The following ZNF469 variants were observed in gnomAD, a reference collection of about 807,000 sequenced individuals.
ZNF469 encodes zinc finger protein 469.
ZNF469 carries 1 observed loss-of-function variant against 1.0 expected under a neutral mutation model. The observed-to-expected ratio is 1.00, with a 90% CI of 0.35 to 4.73. ZNF469 has a LOEUF of 4.73. Among genes scored for constraint, ZNF469 ranks in the 30% most tolerant of loss-of-function variants. The pLI is 0.16. For synonymous variants in ZNF469, 2,703 were observed against 2,363.4 expected (o/e 1.14, Z -4.17); for missense variants, 6,100 against 5,356.3 (o/e 1.14, Z -4.33).
upstream of ZNF469, among the ~76,000 whole-genome samples, chr16:88,378,163 G>A (rs1337801755): frequency 6.6e-6 from 1 of 152,100 alleles, no homozygotes; most frequent in East Asian, 1.9e-4. Context: ...TGACAGGTGG[G>A]CGCCATGATG....
chr16:88,130,226 C>A, the ZNF469 span, among the ~76,000 whole-genome samples: 1 of 152,156 alleles, frequency 6.6e-6, no homozygotes, highest in Non-Finnish European at 1.5e-5. Flanking sequence ...TCCAGCCCTC[C>A]CTCAAAAGCC....
chr16:88,140,133 A>G, the ZNF469 span, among the ~76,000 whole-genome samples: 1 of 152,368 alleles, frequency 6.6e-6, no homozygotes, highest in East Asian at 1.9e-4. Flanking sequence ...GGGAGTCATA[A>G]TGAAAGTCCA....
At chr16:88,114,271 AAT>A in the ZNF469 span, among the ~76,000 whole-genome samples, 1 of 125,242 alleles carries the variant, frequency 8.0e-6, no homozygotes, top group Non-Finnish European at 1.6e-5. Flanking sequence ...CTCCGGGGAG[AAT>A]GACAGGGACC....
chr16:88,331,758 T>TCATCAC, the ZNF469 span, among the ~76,000 whole-genome samples: 1 of 149,566 alleles, frequency 6.7e-6, no homozygotes, highest in Non-Finnish European at 1.5e-5. Flanking sequence ...ACCATCATCA[T>TCATCAC]CATCACTATT....
the ZNF469 span, among the ~76,000 whole-genome samples, chr16:88,244,856 G>T: frequency 1.4e-5 from 2 of 147,156 alleles, no homozygotes; most frequent in East Asian, 2.0e-4. Context: ...ATTTAGGAAA[G>T]CAGAAAAACT....
the ZNF469 span, among the ~76,000 whole-genome samples, chr16:88,135,748 G>GTTTTATTCTTT: frequency 1.3e-3 from 88 of 66,930 alleles, 34 homozygotes; most frequent in Admixed American, 2.0e-3. Context: ...AGCTGGCCAT[G>GTTTTATTCTTT]TTTTTTTTTT....
chr16:88,147,050 C>G, the ZNF469 span, among the ~76,000 whole-genome samples: 9 of 152,250 alleles, frequency 5.9e-5, no homozygotes, highest in South Asian at 1.7e-3. Flanking sequence ...TGTGCCCTCA[C>G]GTGGCAAAAG....
At chr16:88,375,389 C>T in the ZNF469 span, among the ~76,000 whole-genome samples, 1 of 152,240 alleles carries the variant, frequency 6.6e-6, no homozygotes, top group South Asian at 2.1e-4. Context: ...ACGTCTGCTA[C>T]GCTGCCTCTC....
rs1193816872 is a variant in ZNF469 at position 88,427,629 on chromosome 16, C to A, written c.159C>A (p.Gly53=). ...CCAAGGGTGCCAGGGAGGCTGGCGG[C>A]CAGGCCCAGGCCATGGAGCTCCCCG... ...RTTKGAREAG[G]QAQAMELPEA... Residue 53 remains glycine (G), a synonymous_variant, in exon 3 of 3, where the codon GGC becomes GGA. Coordinates refer to ENST00000565624, the MANE Select transcript of ZNF469 (RefSeq NM_001367624.2). The A allele has an allele frequency of 1.3e-6, 2 of 1,537,016 alleles. No homozygotes were observed.
chr16:88,423,236 T>C (rs1464813750), intron 1 of ZNF469, among the ~76,000 whole-genome samples: 1 of 148,156 alleles, frequency 6.7e-6, no homozygotes, highest in Admixed American at 6.7e-5. Flanking sequence ...GGTGGGTGGA[T>C]GGATGGATGG....
At chr16:88,257,118 T>A in the ZNF469 span, among the ~76,000 whole-genome samples, 1 of 58,434 alleles carries the variant, frequency 1.7e-5, no homozygotes, top group Non-Finnish European at 4.0e-5. Context: ...CCCACTAATT[T>A]TTTTTTTTTT....
chr16:88,258,071 G>C, the ZNF469 span, among the ~76,000 whole-genome samples: 1 of 152,222 alleles, frequency 6.6e-6, no homozygotes, highest in Non-Finnish European at 1.5e-5. Flanking sequence ...GCCCCAACCA[G>C]AGGTGATTGC....
At chr16:88,417,373 C>G (rs1333250850) in intron 1 of ZNF469, among the ~76,000 whole-genome samples, 1 of 152,188 alleles carries the variant, frequency 6.6e-6, no homozygotes, top group East Asian at 1.9e-4. Context: ...AAGGCACCCC[C>G]GTCTTTGGAT....
the ZNF469 span, among the ~76,000 whole-genome samples, chr16:88,156,615 T>C: frequency 6.6e-6 from 1 of 152,244 alleles, no homozygotes; most frequent in Non-Finnish European, 1.5e-5. Context: ...CATATTGCTA[T>C]TACAAGGGTT....
At chr16:88,242,607 T>C in the ZNF469 span, among the ~76,000 whole-genome samples, 3 of 152,334 alleles carry the variant, frequency 2.0e-5, no homozygotes, top group Non-Finnish European at 4.4e-5. Context: ...CATGTGCACT[T>C]TGGGAGGACC....
At chr16:88,285,973 G>A in the ZNF469 span, among the ~76,000 whole-genome samples, 1 of 152,216 alleles carries the variant, frequency 6.6e-6, no homozygotes, top group East Asian at 1.9e-4. Context: ...TGTCTGCTCA[G>A]CCCCCATCGG....
chr16:88,157,160 G>A, the ZNF469 span, among the ~76,000 whole-genome samples: 11 of 151,816 alleles, frequency 7.2e-5, no homozygotes, highest in African/African-American at 2.7e-4. Context: ...ACAGGCAGCC[G>A]GCGCCACCGA....
At chr16:88,259,445 CT>C in the ZNF469 span, among the ~76,000 whole-genome samples, 1 of 152,204 alleles carries the variant, frequency 6.6e-6, no homozygotes, top group Non-Finnish European at 1.5e-5. The surrounding 1 kb of genome is among the most constrained non-coding windows in gnomAD (Gnocchi z 4.1). Context: ...ACTTTGGGGC[CT>C]TTGTAGATGT....
At chr16:88,192,837 GACAATGATGATAA>G in the ZNF469 span, among the ~76,000 whole-genome samples, 6 of 150,542 alleles carry the variant, frequency 4.0e-5, no homozygotes, top group Admixed American at 6.6e-5. Context: ...TGGTGGTGAT[GACAATGATGATAA>G]TGATGGTGAT....
Sources: gnomAD v4.1 joint callset for allele counts (sites outside exome capture counted in the v4.1 genomes callset) on GRCh38, gnomAD v4.1.1 for gene constraint, Gnocchi (gnomAD v3.1) non-coding constraint, MANE v1.5 for transcripts, NCBI Gene and HGNC (gene_info 2026-07-23, HGNC 2026-07-21) for gene names.